The following CFAP221 variants were observed in gnomAD, a reference collection of about 807,000 sequenced individuals.
CFAP221 encodes cilia- and flagella-associated protein 221.
In CFAP221, 97 loss-of-function variants were observed where a neutral mutation model predicts 113.1. The observed-to-expected ratio is 0.86, with a 90% CI of 0.73 to 1.02. The LOEUF (loss-of-function observed/expected upper bound fraction) is 1.02, where lower values mean the gene tolerates loss of function less well. CFAP221 is among the 50% of genes least tolerant of loss of function. The pLI, the probability that CFAP221 is intolerant of heterozygous loss-of-function variation, is 0.00. For synonymous variants in CFAP221, 331 were observed against 354.4 expected, an observed-to-expected ratio of 0.93 and a Z score of 0.74; for missense variants, 1,025 against 1,013.4, an observed-to-expected ratio of 1.01 and a Z score of -0.16.
intron 13 of CFAP221, among the ~76,000 whole-genome samples, chr2:119,613,802 T>A (rs1685339620): frequency 6.6e-6 from 1 of 152,264 alleles, no homozygotes; most frequent in African/African-American, 2.4e-5. Context: ...TTATGTAAAT[T>A]TCTGCAGCTG....
At position 119,596,954 on chromosome 2, in the gene CFAP221, G is replaced by T. The variant is rs139115043; in HGVS notation, c.632-4264G>T. On this transcript the variant is annotated intron_variant, in intron 7 of 23. Coordinates refer to ENST00000413369, the MANE Select transcript of CFAP221 (RefSeq NM_001271049.2). ...GAGCAAAAGGAAGACCTAGTGCTTT[G>T]GGACGCTCATCCCAGTGATTTGGCA... 8.2e-4 allele frequency among the ~76,000 whole-genome samples: 125 copies of T among 152,322 alleles called. 2 individuals are homozygous for T. Among genetic ancestry groups the T allele is most frequent in the African/African-American group, 2.8e-3 (118 of 41,574 alleles).
chr2:119,578,599 A>G (rs1005384937), intron 6 of CFAP221, among the ~76,000 whole-genome samples: 1 of 152,208 alleles, frequency 6.6e-6, no homozygotes, highest in Non-Finnish European at 1.5e-5. Flanking sequence ...TGTCTATGTT[A>G]TAGCTTACCT....
chr2:119,562,591 C>A (rs1202913386), intron 6 of CFAP221, among the ~76,000 whole-genome samples: 1 of 152,182 alleles, frequency 6.6e-6, no homozygotes, highest in East Asian at 1.9e-4. Flanking sequence ...CTCATATACC[C>A]ATCCATTAAC....
chr2:119,592,344 G>T (rs1683653579), intron 7 of CFAP221, among the ~76,000 whole-genome samples: 1 of 152,188 alleles, frequency 6.6e-6, no homozygotes, highest in Admixed American at 6.5e-5. Flanking sequence ...GATAATGAAG[G>T]CATTAAGAGG....
chr2:119,658,349 C>T (rs1286842845), downstream of CFAP221, among the ~76,000 whole-genome samples: 1 of 152,158 alleles, frequency 6.6e-6, no homozygotes, highest in East Asian at 1.9e-4. Context: ...CACCTCTGAC[C>T]TTTCAGTGCA....
At chr2:119,607,491 A>G (rs1684853508) in intron 11 of CFAP221, among the ~76,000 whole-genome samples, 1 of 152,240 alleles carries the variant, frequency 6.6e-6, no homozygotes, top group Admixed American at 6.5e-5. Context: ...TGATGAATAC[A>G]TTGCATATTA....
At chr2:119,643,648 G>A (rs1035035703) in intron 21 of CFAP221, among the ~76,000 whole-genome samples, 8 of 152,102 alleles carry the variant, frequency 5.3e-5, no homozygotes, top group Admixed American at 2.6e-4. Context: ...AGGTTCAAGC[G>A]ATTCTCTGCC....
intron 15 of CFAP221, among the ~76,000 whole-genome samples, chr2:119,626,234 G>A (rs1686300340): frequency 6.6e-6 from 1 of 152,080 alleles, no homozygotes; most frequent in Non-Finnish European, 1.5e-5. Context: ...CACCTGTCTA[G>A]TGCAGAATAA....
chr2:119,605,768 A>G (rs967107593), intron 11 of CFAP221, among the ~76,000 whole-genome samples: 2 of 150,020 alleles, frequency 1.3e-5, no homozygotes, highest in African/African-American at 2.4e-5. Flanking sequence ...CTTTTTCACA[A>G]TTTTTTTTTT....
chr2:119,582,727 A>G (rs1402880350), intron 6 of CFAP221, among the ~76,000 whole-genome samples: 1 of 152,186 alleles, frequency 6.6e-6, no homozygotes, highest in Admixed American at 6.5e-5. Flanking sequence ...AAGTGCTTGG[A>G]TTACAGGCGT....
intron 7 of CFAP221, among the ~76,000 whole-genome samples, chr2:119,596,017 G>A (rs1272609864): frequency 6.6e-6 from 1 of 152,074 alleles, no homozygotes; most frequent in East Asian, 1.9e-4. Context: ...AAGGCCTATT[G>A]GAGAGGCCTG....
intron 11 of CFAP221, among the ~76,000 whole-genome samples, chr2:119,606,591 A>G (rs570626525): frequency 5.7e-4 from 87 of 152,246 alleles, no homozygotes; most frequent in African/African-American, 2.0e-3. Flanking sequence ...ATTATGAAAA[A>G]CAGGTAGGTC....
rs778710964 is a variant in CFAP221 at position 119,611,680 on chromosome 2, G to A, written c.1249G>A (p.Glu417Lys). ...KLDRGDPILDEEFQRLKTEVS... is the reference protein window; with the variant it reads ...KLDRGDPILDKEFQRLKTEVS... ...AGACAGAGGAGATCCTATTTTGGAT[G>A]AGGAATTTCAGCGACTTAAAACAGA... The change falls in exon 13 of 24, where the codon GAG becomes AAG. Residue 417 changes from glutamate (E) to lysine (K), a missense_variant. Transcript: ENST00000413369. 2.0e-5 allele frequency: 33 copies of A among 1,613,724 alleles called. No homozygotes were observed. The highest frequency in any genetic ancestry group is 1.6e-4 in the Middle Eastern group (1 of 6,082).
intron 22 of CFAP221, among the ~76,000 whole-genome samples, chr2:119,649,895 G>A (rs1049093375): frequency 6.6e-6 from 1 of 152,166 alleles, no homozygotes; most frequent in Non-Finnish European, 1.5e-5. Flanking sequence ...CCTACTGATA[G>A]GCACTCCTTA....
chr2:119,567,924 C>G (rs1681764748), intron 6 of CFAP221, among the ~76,000 whole-genome samples: 1 of 151,918 alleles, frequency 6.6e-6, no homozygotes, highest in Non-Finnish European at 1.5e-5. Flanking sequence ...TCTCTCTTTT[C>G]TTTTAGCATA....
intron 1 of CFAP221, chr2:119,545,125 C>T (rs948593460): frequency 6.6e-6 from 1 of 152,130 alleles, no homozygotes; most frequent in Non-Finnish European, 1.5e-5. Flanking sequence ...CACTGCCTGT[C>T]GCTTGATGTT....
chr2:119,564,325 C>T (rs1574009766), intron 6 of CFAP221, among the ~76,000 whole-genome samples: 1 of 152,116 alleles, frequency 6.6e-6, no homozygotes, highest in African/African-American at 2.4e-5. Flanking sequence ...CAGAGTGAGA[C>T]AGTAAGCTTC....
chr2:119,647,860 C>A (rs948470723), intron 22 of CFAP221, among the ~76,000 whole-genome samples: 5 of 152,132 alleles, frequency 3.3e-5, no homozygotes, highest in African/African-American at 1.2e-4. Context: ...TGTATACAAA[C>A]TCATCTCTCA....
intron 15 of CFAP221, among the ~76,000 whole-genome samples, chr2:119,626,027 G>T (rs4849787): frequency 5.8e-4 from 88 of 152,152 alleles, no homozygotes; most frequent in Non-Finnish European, 4.6e-4. Flanking sequence ...CCAAGGTGCT[G>T]GTAGGGCTGC....
Sources: gnomAD v4.1 joint callset for allele counts (sites outside exome capture counted in the v4.1 genomes callset) on GRCh38, gnomAD v4.1.1 for gene constraint, MANE v1.5 for transcripts, NCBI Gene and HGNC (gene_info 2026-07-23, HGNC 2026-07-21) for gene names.